C21orf58: variants seen among roughly 807,000 people sequenced by gnomAD.
C21orf58 encodes the protein uncharacterized protein C21orf58.
A neutral mutation model predicts 35.8 loss-of-function variants in C21orf58; 34 were observed. The ratio of observed to expected loss-of-function variants is 0.95; its 90% CI spans 0.72 to 1.26. C21orf58 has a LOEUF of 1.26. C21orf58 is among the 50% of genes most tolerant of loss of function. The pLI, the probability that C21orf58 is intolerant of heterozygous loss-of-function variation, is 0.00. For missense variants in C21orf58, 440 were observed against 414.3 expected (o/e 1.06, Z -0.54); for synonymous variants, 191 against 175.8 (o/e 1.09, Z -0.68).
intron 1 of C21orf58, among the ~76,000 whole-genome samples, chr21:46,320,453 G>A (rs2083116396): frequency 7.0e-6 from 1 of 143,838 alleles, no homozygotes; most frequent in Admixed American, 7.3e-5. Context: ...AAGTTGCAGT[G>A]AGCCAAGGTG....
intron 1 of C21orf58, among the ~76,000 whole-genome samples, chr21:46,321,468 A>G (rs1035328856): frequency 6.6e-6 from 1 of 152,258 alleles, no homozygotes; most frequent in Non-Finnish European, 1.5e-5. Context: ...GGTATCCATC[A>G]GAACACCCCA....
At chr21:46,305,088 C>T (rs1037943338) in intron 6 of C21orf58, among the ~76,000 whole-genome samples, 3 of 152,088 alleles carry the variant, frequency 2.0e-5, no homozygotes, top group Admixed American at 6.6e-5. Flanking sequence ...AGATACTGTA[C>T]GGCTCCATTC....
At chr21:46,304,026 T>G (rs1321323464) in intron 6 of C21orf58, among the ~76,000 whole-genome samples, 3 of 105,360 alleles carry the variant, frequency 2.8e-5, no homozygotes, top group Non-Finnish European at 5.9e-5. Context: ...GCTGGTTTTT[T>G]TTTTTTTTTT....
At chr21:46,317,457 T>C (rs1048155679) in intron 2 of C21orf58, 189 bp from the exon 3 acceptor site, 16 of 888,588 alleles carry the variant, frequency 1.8e-5, no homozygotes, top group East Asian at 5.3e-5. Flanking sequence ...AAGCCTGACC[T>C]CTAGCAAATT....
chr21:46,303,723 ATATATATATATATATATATATATTTTTT>A (rs1569116082), intron 6 of C21orf58, among the ~76,000 whole-genome samples: 4 of 22,638 alleles, frequency 1.8e-4, no homozygotes, highest in Non-Finnish European at 2.6e-4. Context: ...ATATATATAT[ATATATATATATATATATATATATTTTTT>A]TTTTTTTTTT....
chr21:46,320,372 G>A (rs749445838), intron 1 of C21orf58, among the ~76,000 whole-genome samples: 1 of 151,884 alleles, frequency 6.6e-6, no homozygotes, highest in South Asian at 2.1e-4. Context: ...AAAGTGCTAG[G>A]ATTAGAGGTG....
Position 46,311,082 on chromosome 21 carries a change from G to A in C21orf58, c.721+374C>T, listed in dbSNP as rs188180622. Among the ~76,000 whole-genome samples the A allele has an allele frequency of 3.1e-4, 47 of 152,054 alleles. No homozygotes were observed. The East Asian group carries it at 7.6e-3, about 25-fold the overall frequency. ...AGATGGGGTTTCACCCTGTGGGCCA[G>A]GCTGGTCTCGAACTCTTGACCTCAG... On this transcript the variant is annotated intron_variant, in intron 6 of 7. Coordinates refer to ENST00000291691, the MANE Select transcript of C21orf58 (RefSeq NM_058180.5).
At chr21:46,317,167 C>G (rs371184858) in intron 3 of C21orf58, 41 bp downstream of exon 3, 49 of 1,590,440 alleles carry the variant, frequency 3.1e-5, no homozygotes, top group South Asian at 4.5e-5. Flanking sequence ...GCTACACTTG[C>G]GTCTGTCTGT....
At chr21:46,307,049 C>G (rs923319199) in intron 6 of C21orf58, among the ~76,000 whole-genome samples, 1 of 151,982 alleles carries the variant, frequency 6.6e-6, no homozygotes, top group African/African-American at 2.4e-5. Flanking sequence ...GCGCCCACCA[C>G]CACACCTGGC....
chr21:46,317,860 A>G, intron 2 of C21orf58, 152 bp downstream of exon 2: 1 of 789,042 alleles, frequency 1.3e-6, no homozygotes, highest in African/African-American at 1.7e-5. Flanking sequence ...GAATGTGAAG[A>G]CTAAGTCTGA....
At chr21:46,302,628 T>C in intron 6 of C21orf58, 52 bp from the exon 7 acceptor site, 1 of 1,407,996 alleles carries the variant, frequency 7.1e-7, no homozygotes, top group Non-Finnish European at 9.9e-7. Context: ...TTTTCCTATT[T>C]GTTAAAGTGA....
At position 46,322,947 on chromosome 21, in the gene C21orf58, C is replaced by T; in HGVS notation, c.-209G>A. ...AAGCACACGGCCCTCCACGACGAAC[C>T]TTTTGCAAGTGAAGGCGCACGAACA... On this transcript the variant is annotated 5_prime_UTR_variant, in exon 1 of 8. Transcript: ENST00000291691. 1 of 427,460 alleles carries T rather than the reference C, an allele frequency of 2.3e-6. No homozygotes were observed. 26.5% of individuals were successfully genotyped at this position (427,460 alleles called of 1,614,324 possible).
At chr21:46,303,838 G>T (rs959559403) in intron 6 of C21orf58, among the ~76,000 whole-genome samples, 80 of 139,482 alleles carry the variant, frequency 5.7e-4, no homozygotes, top group African/African-American at 2.1e-3. Context: ...TGCAAGCTCC[G>T]CCTCCTGGGT....
intron 5 of C21orf58, among the ~76,000 whole-genome samples, chr21:46,314,131 G>GTTTTTTTTTT (rs140166854): frequency 2.1e-5 from 3 of 145,110 alleles, no homozygotes; most frequent in African/African-American, 7.5e-5. Flanking sequence ...GCATGATAAA[G>GTTTTTTTTTT]TTTTTTTTTT....
At chr21:46,303,708 AATATATAT>A (rs1356861977) in intron 6 of C21orf58, among the ~76,000 whole-genome samples, 32 of 37,256 alleles carry the variant, frequency 8.6e-4, no homozygotes, top group African/African-American at 1.5e-3. Context: ...ACACACACAA[AATATATAT>A]ATATATATAT....
rs2082109757 is a variant in C21orf58 at position 46,301,577 on chromosome 21, G to T, written c.*422C>A. The T allele has an allele frequency of 3.0e-6, 3 of 996,706 alleles. No homozygotes were observed. Among genetic ancestry groups the T allele is most frequent in the Non-Finnish European group, 3.6e-6 (3 of 837,878 alleles). 61.7% of individuals were successfully genotyped at this position (996,706 alleles called of 1,614,324 possible). A position where few individuals can be genotyped will look rare whatever the true frequency, so the allele number is the denominator to read the frequency against. ...TAAAGCTATTGATCTTTTCTGTTCT[G>T]GCTCCTGAGCTGAGATTTTCTTAAA... On this transcript the variant is annotated 3_prime_UTR_variant, in exon 8 of 8. Transcript: ENST00000291691.
intron 1 of C21orf58, chr21:46,318,474 G>C (rs896289359): frequency 5.8e-6 from 8 of 1,387,002 alleles, no homozygotes; most frequent in African/African-American, 4.4e-5. Flanking sequence ...CTCAGACCTG[G>C]GGGAAGGGCA....
intron 3 of C21orf58, 53 bp from the exon 4 acceptor site, chr21:46,315,600 C>A: frequency 2.5e-6 from 3 of 1,210,186 alleles, no homozygotes; most frequent in Non-Finnish European, 3.7e-6. Flanking sequence ...GCTGTCGCTG[C>A]AAGCACTCGG....
At chr21:46,312,394 C>T (rs1162186650) in intron 5 of C21orf58, among the ~76,000 whole-genome samples, 2 of 152,162 alleles carry the variant, frequency 1.3e-5, no homozygotes, top group Admixed American at 6.6e-5. Flanking sequence ...CCTCAGCTCA[C>T]TGCAACCTCC....
Sources: gnomAD v4.1 joint callset for allele counts (sites outside exome capture counted in the v4.1 genomes callset) on GRCh38, gnomAD v4.1.1 for gene constraint, MANE v1.5 for transcripts, NCBI Gene and HGNC (gene_info 2026-07-23, HGNC 2026-07-21) for gene names.